The following SPATS2 variants were observed in gnomAD, a reference collection of about 807,000 sequenced individuals.
SPATS2 encodes the protein spermatogenesis-associated serine-rich protein 2.
SPATS2 carries 38 observed loss-of-function variants against 63.7 expected under a neutral mutation model. The ratio of observed to expected loss-of-function variants is 0.60; its 90% confidence interval spans 0.46 to 0.78. The LOEUF (loss-of-function observed/expected upper bound fraction) is 0.78. SPATS2 is among the 30% of genes least tolerant of loss of function. The probability of loss-of-function intolerance (pLI) is 0.00; values close to 1 mark genes in which losing one functional copy is unlikely to be tolerated. For synonymous variants in SPATS2, 207 were observed against 232.9 expected, an observed-to-expected ratio of 0.89 and a Z score of 1.01; for missense variants, 588 against 666.2, an observed-to-expected ratio of 0.88 and a Z score of 1.29.
At chr12:49,417,297 T>C (rs1216465084) in intron 2 of SPATS2, among the ~76,000 whole-genome samples, 1 of 152,270 alleles carries the variant, frequency 6.6e-6, no homozygotes, top group Non-Finnish European at 1.5e-5. Flanking sequence ...TTAAAGAATA[T>C]ATGTGCCTGT....
Position 49,367,481 on chromosome 12 carries a change from C to G in SPATS2, c.-413C>G, listed in dbSNP as rs1374121754. ...CGCGGCGGCGACGGCGGCGGTGGCT[C>G]TAGAAGGGGAGGTGGAGGATCTCCT... is the stretch of plus-strand genomic sequence containing the variant. On this transcript the variant is annotated 5_prime_UTR_variant, in exon 1 of 14. Coordinates refer to ENST00000552918, the MANE Select transcript of SPATS2 (RefSeq NM_023071.4). 2.5e-6 allele frequency: 1 copy of G among 399,102 alleles called. No individual in the cohort carries two copies. Among genetic ancestry groups the G allele is most frequent in the Non-Finnish European group, 4.4e-6 (1 of 227,108 alleles). 24.7% of individuals were successfully genotyped at this position (399,102 alleles called of 1,614,324 possible). A position where few individuals can be genotyped will look rare whatever the true frequency, so the allele number is the denominator to read the frequency against.
At chr12:49,514,124 T>C (rs1946799403) in intron 9 of SPATS2, among the ~76,000 whole-genome samples, 1 of 148,618 alleles carries the variant, frequency 6.7e-6, no homozygotes, top group Admixed American at 6.8e-5. Flanking sequence ...GCCACTGCAC[T>C]CCAGCCTAGG....
At chr12:49,506,228 A>G (rs1049996199) in intron 9 of SPATS2, among the ~76,000 whole-genome samples, 3 of 152,196 alleles carry the variant, frequency 2.0e-5, no homozygotes, top group African/African-American at 7.2e-5. Context: ...CAATTTGCAC[A>G]TGCCTGTAAT....
In SPATS2 at chr12:49,525,706, T is replaced by C. The variant is rs538372959; in HGVS notation, c.1327-238T>C. Among the ~76,000 whole-genome samples the C allele has an allele frequency of 1.2e-4, 19 of 152,286 alleles. No homozygotes were observed. In the South Asian group the frequency reaches 3.5e-3, roughly 28 times the overall value. ...CCTTATCTTTCTTCTTGCATCCAGCTAAAGAAAAGTAAATTCTTCAGTGGA... is the reference window on the plus strand; with the variant it reads ...CCTTATCTTTCTTCTTGCATCCAGCCAAAGAAAAGTAAATTCTTCAGTGGA... On this transcript the variant is annotated intron_variant, in intron 13 of 13. Coordinates refer to ENST00000552918, the MANE Select transcript of SPATS2 (RefSeq NM_023071.4).
At chr12:49,390,216 G>GTGAA (rs1944396329) in intron 2 of SPATS2, 14 of 1,006,628 alleles carry the variant, frequency 1.4e-5, no homozygotes, top group African/African-American at 1.6e-5. Flanking sequence ...GGTCAAATAA[G>GTGAA]TGAATGAATG....
chr12:49,460,925 C>T lies in SPATS2; in HGVS notation c.-88C>T. On this transcript the variant is annotated 5_prime_UTR_variant, in exon 3 of 14. Coordinates refer to ENST00000552918, the MANE Select transcript of SPATS2 (RefSeq NM_023071.4). ...TCCAACTGCACACTTCCGTTGCCCA[C>T]TTTTAAATCAGAGATACCTACACTC... 1 of 1,526,708 alleles carries T rather than the reference C, an allele frequency of 6.6e-7. No homozygotes were observed. Among genetic ancestry groups the T allele is most frequent in the South Asian group, 1.2e-5 (1 of 85,446 alleles). The allele number at this position is 1,526,708 out of a possible 1,614,324, so 94.6% of individuals were successfully genotyped here.
chr12:49,378,079 T>C (rs1944140399), intron 2 of SPATS2, among the ~76,000 whole-genome samples: 1 of 152,112 alleles, frequency 6.6e-6, no homozygotes, highest in African/African-American at 2.4e-5. Flanking sequence ...TTCAAGCGAT[T>C]CCCCTGCCTC....
chr12:49,405,875 T>G (rs1944685633), intron 2 of SPATS2, among the ~76,000 whole-genome samples: 1 of 152,216 alleles, frequency 6.6e-6, no homozygotes, highest in African/African-American at 2.4e-5. Flanking sequence ...TATATAAATT[T>G]TTCAGATAAT....
intron 2 of SPATS2, among the ~76,000 whole-genome samples, chr12:49,388,015 C>G (rs187571633): frequency 6.6e-6 from 1 of 152,304 alleles, no homozygotes; most frequent in East Asian, 1.9e-4. Flanking sequence ...CTTGTGGGCT[C>G]AAGCAATCCT....
In SPATS2 at chr12:49,398,716, C is replaced by T. The variant is rs117601437; in HGVS notation, c.-244+27426C>T. ...TTGGATTACGGATATTCTTTTTTTC[C>T]CCTCACACACTTAATCCTTTATATG... On this transcript the variant is annotated intron_variant, in intron 2 of 13. Coordinates refer to ENST00000552918, the MANE Select transcript of SPATS2 (RefSeq NM_023071.4). Among the ~76,000 whole-genome samples, 682 of 151,884 alleles carry T rather than the reference C, an allele frequency of 4.5e-3. 5 individuals carry two copies. Among genetic ancestry groups the T allele is most frequent in the Non-Finnish European group, 4.9e-3 (334 of 67,918 alleles).
chr12:49,375,579 TC>T (rs1299776468), intron 2 of SPATS2, among the ~76,000 whole-genome samples: 1 of 152,194 alleles, frequency 6.6e-6, no homozygotes, highest in East Asian at 1.9e-4. Context: ...AAGTGACTCT[TC>T]TGCTTACCTT....
At chr12:49,478,375 CCA>C (rs2137798707) in intron 3 of SPATS2, among the ~76,000 whole-genome samples, 1 of 152,240 alleles carries the variant, frequency 6.6e-6, no homozygotes, top group Non-Finnish European at 1.5e-5. Flanking sequence ...CAATATAACC[CCA>C]GTCCCCACAT....
At chr12:49,445,228 T>C (rs1945490295) in intron 2 of SPATS2, among the ~76,000 whole-genome samples, 2 of 152,144 alleles carry the variant, frequency 1.3e-5, no homozygotes, top group Non-Finnish European at 2.9e-5. Context: ...GAGTATGATA[T>C]TAGTTGTAGG....
chr12:49,433,188 G>A (rs923131306), intron 2 of SPATS2, among the ~76,000 whole-genome samples: 9 of 152,164 alleles, frequency 5.9e-5, no homozygotes, highest in East Asian at 5.8e-4. Context: ...TGTTTGAGAC[G>A]GAGTCTCTCT....
chr12:49,467,081 C>G (rs1945933341), intron 3 of SPATS2, among the ~76,000 whole-genome samples: 1 of 112,342 alleles, frequency 8.9e-6, no homozygotes, highest in Non-Finnish European at 1.7e-5. Flanking sequence ...GATGGAGTCT[C>G]ACTGTCATCC....
intron 2 of SPATS2, among the ~76,000 whole-genome samples, chr12:49,384,870 C>T (rs1020168725): frequency 4.6e-5 from 7 of 151,516 alleles, no homozygotes; most frequent in Non-Finnish European, 8.8e-5. Flanking sequence ...AGTGCAATGG[C>T]GCGACCTTGG....
At chr12:49,489,401 A>G in intron 4 of SPATS2, 64 bp from the exon 5 acceptor site, 4 of 1,236,180 alleles carry the variant, frequency 3.2e-6, no homozygotes, top group South Asian at 1.3e-5. Context: ...TATTCTCTGT[A>G]TAGGCCTCAG....
chr12:49,424,856 T>C (rs1167102826), intron 2 of SPATS2, among the ~76,000 whole-genome samples: 1 of 152,036 alleles, frequency 6.6e-6, no homozygotes. Context: ...ATTTTTGTAC[T>C]TTTAGTAGAG....
intron 2 of SPATS2, among the ~76,000 whole-genome samples, chr12:49,428,964 G>C (rs1945132240): frequency 6.6e-6 from 1 of 152,186 alleles, no homozygotes; most frequent in Non-Finnish European, 1.5e-5. Context: ...ATTTAGCTCA[G>C]TTGGGTTTGG....
Sources: allele counts gnomAD v4.1 joint callset (sites outside exome capture counted in the v4.1 genomes callset), GRCh38; gene constraint gnomAD v4.1.1; transcripts MANE v1.5; gene names NCBI Gene and HGNC (gene_info 2026-07-23, HGNC 2026-07-21).